Variants in TARDBP observed in about 807,000 individuals in gnomAD.
TARDBP encodes TAR DNA binding protein.
Under a neutral mutation model 38.3 loss-of-function variants are expected in TARDBP, and 4 were observed. The ratio of observed to expected loss-of-function variants is 0.10; its 90% confidence interval spans 0.05 to 0.24. TARDBP has a LOEUF of 0.24. Ranked by LOEUF, TARDBP falls within the 10% of genes least tolerant of loss-of-function variation. TARDBP has a pLI of 1.00. For synonymous variants in TARDBP, 184 were observed against 183.8 expected (o/e 1.00, Z -0.01); for missense variants, 202 against 521.9 (o/e 0.39, Z 5.97).
chr1:11,015,391 CAGG>C (rs1643500499), intron 2 of TARDBP: 1 of 152,084 alleles, frequency 6.6e-6, no homozygotes, highest in Non-Finnish European at 1.5e-5. Flanking sequence ...GAGGCTGAGG[CAGG>C]AGAATTGCTT....
chr1:11,021,106 A>G (rs1643628488), intron 5 of TARDBP, among the ~76,000 whole-genome samples: 1 of 151,848 alleles, frequency 6.6e-6, no homozygotes, highest in Admixed American at 6.6e-5. Flanking sequence ...CCTTTAGATA[A>G]TTTTCAGTAT....
Position 11,012,663 on chromosome 1 carries a change from G to A in TARDBP, c.-93G>A, listed in dbSNP as rs1013853848. ...AGGCGGCCCTAGCGCCATTTTGTGGGAGCGAAGCGGTGGCTGGGCTGCGCT... is the reference window on the plus strand; with the variant it reads ...AGGCGGCCCTAGCGCCATTTTGTGGAAGCGAAGCGGTGGCTGGGCTGCGCT... On this transcript the variant is annotated 5_prime_UTR_variant, in exon 1 of 6. Coordinates refer to ENST00000240185, the MANE Select transcript of TARDBP (RefSeq NM_007375.4). The A allele has an allele frequency of 6.6e-6, 1 of 152,356 alleles. No individual in the cohort carries two copies. The highest frequency in any genetic ancestry group is 1.5e-5 in the Non-Finnish European group (1 of 68,136). The allele number at this position is 152,356 out of a possible 1,614,324, so 9.4% of individuals were successfully genotyped here.
At chr1:11,013,664 A>G (rs1643459779) in intron 1 of TARDBP, 52 bp from the exon 2 acceptor site, 4 of 1,423,880 alleles carry the variant, frequency 2.8e-6, no homozygotes, top group Non-Finnish European at 2.0e-6. Flanking sequence ...CATTATAAGG[A>G]AACAGTTATT....
At chr1:11,030,422 T>G, downstream of TARDBP, 1 of 599,586 alleles carries the variant, frequency 1.7e-6, no homozygotes, top group Non-Finnish European at 2.9e-6. Context: ...TTACCATGTT[T>G]GCTTGCAAAG....
At position 11,025,332 on chromosome 1, in the gene TARDBP, A is replaced by G. The variant is rs902581577; in HGVS notation, c.*2678A>G. ...TATTAACATGTTTATGGTACTGCAT[A>G]GATACGGGTATTTATTTTACCCTAA... On this transcript the variant is annotated 3_prime_UTR_variant, in exon 6 of 6. Transcript: ENST00000240185. 10 of 152,344 alleles carry G rather than the reference A, an allele frequency of 6.6e-5. No homozygotes were observed. Among genetic ancestry groups the G allele is most frequent in the African/African-American group, 1.4e-4 (6 of 41,446 alleles). 9.4% of individuals were successfully genotyped at this position (152,344 alleles called of 1,614,324 possible). A position where few individuals can be genotyped will look rare whatever the true frequency, so the allele number is the denominator to read the frequency against.
chr1:11,023,666 AAGTGAGTTTT>A lies in TARDBP; in HGVS notation c.*1013_*1022del, dbSNP rs2100859237. On this transcript the variant is annotated 3_prime_UTR_variant, in exon 6 of 6. Transcript: ENST00000240185. ...CATCCACATCTGTTGGAAGACTTTT[AAGTGAGTTTT>A]TGTTCTTAGATAACCCACATTAGAT... is the stretch of plus-strand genomic sequence containing the variant. 4.9e-6 allele frequency: 1 copy of A among 203,984 alleles called. No homozygotes were observed. The highest frequency in any genetic ancestry group is 1.4e-4 in the South Asian group (1 of 7,254). 12.6% of individuals were successfully genotyped at this position (203,984 alleles called of 1,614,324 possible).
chr1:11,019,286 T>TTTA (rs1195162383), intron 4 of TARDBP: 2 of 312,010 alleles, frequency 6.4e-6, no homozygotes, highest in African/African-American at 4.4e-5. Flanking sequence ...AGATTGCTTA[T>TTTA]TTATTAATTT....
chr1:11,012,993 G>A (rs556377209), intron 1 of TARDBP, among the ~76,000 whole-genome samples: 2 of 152,342 alleles, frequency 1.3e-5, no homozygotes, highest in Admixed American at 6.5e-5. Flanking sequence ...CCCCGGACCC[G>A]GACAGTGCCG....
At chr1:11,027,554 A>G, downstream of TARDBP, 1 of 1,614,142 alleles carries the variant, frequency 6.2e-7, no homozygotes, top group Non-Finnish European at 8.5e-7. Flanking sequence ...CTGTGGTTCC[A>G]CCTAATATCA....
chr1:11,021,369 G>C (rs570925939), intron 5 of TARDBP, among the ~76,000 whole-genome samples: 40 of 152,278 alleles, frequency 2.6e-4, no homozygotes, highest in African/African-American at 9.1e-4. Context: ...TCGAACTCCT[G>C]ACCTCAGGTG....
intron 2 of TARDBP, among the ~76,000 whole-genome samples, chr1:11,015,211 T>G (rs1174251470): frequency 6.6e-6 from 1 of 151,426 alleles, no homozygotes; most frequent in Non-Finnish European, 1.5e-5. Flanking sequence ...TCAGGCTCGG[T>G]GCAATGGCTC....
chr1:11,016,424 A>T (rs528735270), intron 2 of TARDBP, among the ~76,000 whole-genome samples: 1 of 152,300 alleles, frequency 6.6e-6, no homozygotes, highest in East Asian at 1.9e-4. Flanking sequence ...ACTTACAGGC[A>T]TACACACCAC....
At position 11,023,451 on chromosome 1, in the gene TARDBP, ATGG is replaced by A. The variant is rs1643679001; in HGVS notation, c.*803_*805del. ...ACTTTTGAAACCTTGTGTGGGATTG[ATGG>A]TGGTGCCGAGGCATGAAAGGCTAGT... On this transcript the variant is annotated 3_prime_UTR_variant, in exon 6 of 6. Coordinates refer to ENST00000240185, the MANE Select transcript of TARDBP (RefSeq NM_007375.4). 1.6e-6 allele frequency: 1 copy of A among 617,838 alleles called. No individual in the cohort carries two copies. Among genetic ancestry groups the A allele is most frequent in the East Asian group, 2.8e-5 (1 of 35,794 alleles). The allele number at this position is 617,838 out of a possible 1,614,324, so 38.3% of individuals were successfully genotyped here. A position where few individuals can be genotyped will look rare whatever the true frequency, so the allele number is the denominator to read the frequency against.
chr1:11,030,117 C>T (rs1643817574), downstream of TARDBP: 3 of 1,281,066 alleles, frequency 2.3e-6, no homozygotes, highest in Admixed American at 5.4e-5. Context: ...TCCTCACTGT[C>T]TCCTACCCAG....
downstream of TARDBP, among the ~76,000 whole-genome samples, chr1:11,027,979 T>C (rs369378026): frequency 1.2e-4 from 19 of 152,274 alleles, no homozygotes; most frequent in African/African-American, 4.6e-4. Flanking sequence ...CCCAGCACTT[T>C]GGGAGGCTGA....
Position 11,017,014 on chromosome 1 carries a change from T to C in TARDBP, c.402+7T>C. 3.1e-6 allele frequency: 5 copies of C among 1,613,964 alleles called. No homozygotes were observed. The highest frequency in any genetic ancestry group is 4.2e-6 in the Non-Finnish European group (5 of 1,179,992). ...AGAAGTTCTTATGGTGCAGGTAAAC[T>C]TCGATTGCATCAAACAGTTTTTCTT... On this transcript the variant is annotated splice_region_variant and intron_variant, in intron 3 of 5. Coordinates refer to ENST00000240185, the MANE Select transcript of TARDBP (RefSeq NM_007375.4).
chr1:11,026,034 T>C (rs77193093), downstream of TARDBP: 4,966 of 83,104 alleles, frequency 0.06, 239 homozygotes, highest in African/African-American at 0.12. Context: ...TCACCACTTA[T>C]TTCTAATGCC....
At chr1:11,026,761 T>G (rs907266658), downstream of TARDBP, 18 of 777,312 alleles carry the variant, frequency 2.3e-5, no homozygotes, top group Non-Finnish European at 3.2e-5. Flanking sequence ...TGGAGTCTGT[T>G]TTTTTGGGTG....
At chr1:11,014,078 C>T (rs916051068) in intron 2 of TARDBP, 113 bp downstream of exon 2, 65 of 1,079,656 alleles carry the variant, frequency 6.0e-5, no homozygotes, top group Non-Finnish European at 8.5e-5. Context: ...TTAAGTATTT[C>T]CTTGAACTTC....
Sources: allele counts gnomAD v4.1 joint callset (sites outside exome capture counted in the v4.1 genomes callset), GRCh38; gene constraint gnomAD v4.1.1; transcripts MANE v1.5; gene names NCBI Gene and HGNC (gene_info 2026-07-23, HGNC 2026-07-21).